Variants in CHD9 observed in about 807,000 individuals in gnomAD.
CHD9 encodes the protein ATP-dependent chromatin remodeler CHD9.
Under a neutral mutation model 316.1 loss-of-function variants are expected in CHD9, and 77 were observed. The observed-to-expected ratio is 0.24, with a 90% CI of 0.20 to 0.29. The LOEUF (loss-of-function observed/expected upper bound fraction) is 0.29. CHD9 is among the 10% of genes least tolerant of loss of function. CHD9 has a pLI of 1.00. For missense variants in CHD9, 2,763 were observed against 3,438.1 expected, an observed-to-expected ratio of 0.80 and a Z score of 4.91; for synonymous variants, 1,129 against 1,158.3, an observed-to-expected ratio of 0.97 and a Z score of 0.51.
At chr16:53,271,529 A>G (rs1386139761) in intron 22 of CHD9, among the ~76,000 whole-genome samples, 1 of 151,818 alleles carries the variant, frequency 6.6e-6, no homozygotes, top group Non-Finnish European at 1.5e-5. Context: ...AGATCACGCT[A>G]CTGCACTCCA....
intron 1 of CHD9, among the ~76,000 whole-genome samples, chr16:53,107,469 TAAAATAAAATAAAATA>T (rs1332487059): frequency 7.1e-6 from 1 of 140,860 alleles, no homozygotes; most frequent in African/African-American, 2.6e-5. Flanking sequence ...CAAAATAAAA[TAAAATAAAATAAAATA>T]AAATAAATAA....
chr16:53,275,086 C>G (rs1014948737), intron 24 of CHD9, among the ~76,000 whole-genome samples: 2 of 152,130 alleles, frequency 1.3e-5, no homozygotes, highest in African/African-American at 4.8e-5. Context: ...GTCTGGAGTG[C>G]AGTGGCATGA....
intron 22 of CHD9, among the ~76,000 whole-genome samples, chr16:53,270,202 T>G (rs1047631946): frequency 3.6e-4 from 54 of 150,516 alleles, no homozygotes; most frequent in Non-Finnish European, 5.6e-4. Context: ...GAGTCTCACT[T>G]TGTTGCCCAG....
Position 53,304,288 on chromosome 16 carries a change from T to C in CHD9, c.6282T>C (p.Ser2094=). The part of the protein sequence containing the change: ...VLPQATGDQK[S]GGKCETDRRM... ...CACAGGCTACTGGAGACCAGAAATC[T>C]GGTGGAAAATGTGAAACAGACAGAC... The change falls in exon 31 of 39, where the codon TCT becomes TCC. Residue 2094 remains serine, a synonymous_variant. Coordinates refer to ENST00000447540, the MANE Select transcript of CHD9 (RefSeq NM_001308319.2). The C allele has an allele frequency of 6.2e-7, 1 of 1,611,562 alleles. No homozygotes were observed. The highest frequency in any genetic ancestry group is 8.5e-7 in the Non-Finnish European group (1 of 1,179,686).
At chr16:53,300,962 A>G (rs561073212) in intron 30 of CHD9, among the ~76,000 whole-genome samples, 3 of 152,222 alleles carry the variant, frequency 2.0e-5, no homozygotes, top group Non-Finnish European at 4.4e-5. Flanking sequence ...AATCCCAGCT[A>G]TTCAGAAGGT....
chr16:53,107,217 C>T (rs1237715202), intron 1 of CHD9, among the ~76,000 whole-genome samples: 2 of 151,230 alleles, frequency 1.3e-5, no homozygotes, highest in East Asian at 2.0e-4. Flanking sequence ...CCCAGCACTT[C>T]GGGAGGCCAA....
Position 53,245,314 on chromosome 16 carries a change from G to C in CHD9, c.3055-22G>C, listed in dbSNP as rs774356248. 8.1e-6 allele frequency: 12 copies of C among 1,488,136 alleles called. No individual in the cohort carries two copies. Among genetic ancestry groups the C allele is most frequent in the African/African-American group, 4.3e-5 (3 of 70,440 alleles). The allele number at this position is 1,488,136 out of a possible 1,614,324, so 92.2% of individuals were successfully genotyped here. On this transcript the variant is annotated intron_variant, in intron 13 of 38. Transcript: ENST00000447540. The surrounding 1 kb of genome is among the most constrained non-coding windows in gnomAD (Gnocchi z 4.1). ...ATTTTAGTACTGTGATGTTTGATGTGAATTGTTCTCACTTTTTGTAGGAAC... is the reference window on the plus strand; with the variant it reads ...ATTTTAGTACTGTGATGTTTGATGTCAATTGTTCTCACTTTTTGTAGGAAC...
At chr16:53,056,161 G>A (rs899532029) in intron 1 of CHD9, among the ~76,000 whole-genome samples, 3 of 152,174 alleles carry the variant, frequency 2.0e-5, no homozygotes, top group Non-Finnish European at 4.4e-5. Context: ...AAAGTGCTGG[G>A]ATTATAGGCA....
At chr16:53,261,477 G>T (rs765381539) in intron 19 of CHD9, among the ~76,000 whole-genome samples, 50 of 145,080 alleles carry the variant, frequency 3.4e-4, no homozygotes, top group Admixed American at 1.4e-4. Flanking sequence ...GGGGTCAAGT[G>T]ACCCACCCAC....
Position 53,250,083 on chromosome 16 carries a change from G to A in CHD9, c.3861+17G>A, listed in dbSNP as rs748336827. 3.3e-5 allele frequency: 52 copies of A among 1,562,020 alleles called. No homozygotes were observed. The highest frequency in any genetic ancestry group is 3.5e-5 in the Non-Finnish European group (40 of 1,154,642). ...GATCTTCAGGTAAATAATTTCCTTGGCTAACAAAAAATGCATTTTTTAAAA... is the reference window on the plus strand; with the variant it reads ...GATCTTCAGGTAAATAATTTCCTTGACTAACAAAAAATGCATTTTTTAAAA... On this transcript the variant is annotated intron_variant, in intron 17 of 38. Transcript: ENST00000447540.
At chr16:53,137,064 C>A (rs1175133380) in intron 1 of CHD9, among the ~76,000 whole-genome samples, 1 of 151,880 alleles carries the variant, frequency 6.6e-6, no homozygotes, top group Non-Finnish European at 1.5e-5. Context: ...ACCTCCACTT[C>A]CCAGGTTCAA....
rs528921889 is a variant in CHD9 at position 53,318,649 on chromosome 16, C to G, written c.7713+309C>G. Among the ~76,000 whole-genome samples the G allele has an allele frequency of 3.3e-4, 51 of 152,286 alleles. 2 individuals are homozygous for G. The South Asian group carries it at 0.01, about 30-fold the overall frequency. On this transcript the variant is annotated intron_variant, in intron 37 of 38. Coordinates refer to ENST00000447540, the MANE Select transcript of CHD9 (RefSeq NM_001308319.2). The stretch of plus-strand genomic sequence containing the variant: ...GTCATTCTCATCGGGGTGATTTCAC[C>G]TCTCAAGGAATATTTGTCAGCGTCT...
At chr16:53,108,979 A>G (rs985442922) in intron 1 of CHD9, among the ~76,000 whole-genome samples, 1 of 152,184 alleles carries the variant, frequency 6.6e-6, no homozygotes, top group African/African-American at 2.4e-5. Context: ...GAGGAAAGAG[A>G]GTAAGATGAT....
Position 53,144,714 on chromosome 16 carries a change from CG to C in CHD9, c.-164-11208del, listed in dbSNP as rs563547242. 5.2e-4 allele frequency among the ~76,000 whole-genome samples: 79 copies of C among 152,032 alleles called. 2 individuals are homozygous for C. In the South Asian group the frequency reaches 0.013, roughly 26 times the overall value. ...CTAATTTTTGTATTTTTAGTAGAGA[CG>C]GGGTTTCATTATGTAGGCCAGGCTG... On this transcript the variant is annotated intron_variant, in intron 1 of 38. Transcript: ENST00000447540.
At position 53,304,607 on chromosome 16, in the gene CHD9, G is replaced by C. The variant is rs778083494; in HGVS notation, c.6601G>C (p.Glu2201Gln). The C allele has an allele frequency of 5.2e-6, 8 of 1,547,584 alleles. No homozygotes were observed. The highest frequency in any genetic ancestry group is 2.7e-5 in the African/African-American group (2 of 72,750). Residue 2201 changes from glutamate (E) to glutamine (Q), a missense_variant, in exon 31 of 39, where the codon GAA becomes CAA. Glu to Gln is a conservative substitution (Grantham distance 29, BLOSUM62 2). Transcript: ENST00000447540. ...SSSEESDSDE[E>Q]EAQKRESTTH... ...ATCAGAAGAAAGTGACAGTGATGAA[G>C]AAGAAGCCCAAAAACGAGGTACTAT...
chr16:53,239,916 T>C lies in CHD9; in HGVS notation c.2877+1330T>C, dbSNP rs565220027. Among the ~76,000 whole-genome samples, 8 of 152,274 alleles carry C rather than the reference T, an allele frequency of 5.3e-5. No homozygotes were observed. The East Asian group carries it at 1.5e-3, about 29-fold the overall frequency. ...TTCAATTGAAGAATAATTAATTATA[T>C]AGATGCTTAATTTCGTATAAATGTA... On this transcript the variant is annotated intron_variant, in intron 12 of 38. Transcript: ENST00000447540.
Position 53,307,885 on chromosome 16 carries a change from C to G in CHD9, c.6985C>G (p.Gln2329Glu). The G allele has an allele frequency of 6.2e-7, 1 of 1,613,662 alleles. No homozygotes were observed. Among genetic ancestry groups the G allele is most frequent in the Non-Finnish European group, 8.5e-7 (1 of 1,179,788 alleles). ...PGAGVKEEHD[Q>E]STQMSKVKKH... ...TGCCGGTGTTAAAGAAGAACATGAT[C>G]AGTCAACACAGATGTCAAAGGTGAA... is the stretch of plus-strand genomic sequence containing the variant. The change falls in exon 33 of 39, where the codon CAG (glutamine) becomes GAG (glutamate). Residue 2329 changes from glutamine (Q) to glutamate (E), a missense_variant. Gln to Glu is a conservative substitution (Grantham distance 29, BLOSUM62 2). Coordinates refer to ENST00000447540, the MANE Select transcript of CHD9 (RefSeq NM_001308319.2).
chr16:53,056,100 A>G (rs1596822049), intron 1 of CHD9, among the ~76,000 whole-genome samples: 2 of 152,312 alleles, frequency 1.3e-5, no homozygotes, highest in East Asian at 3.9e-4. Flanking sequence ...TATATTCCCC[A>G]GGATGGTCTC....
rs185517928 is a variant in CHD9, at chr16:53,163,654, A to G, written c.1452+6113A>G. On this transcript the variant is annotated intron_variant, in intron 2 of 38. Coordinates refer to ENST00000447540, the MANE Select transcript of CHD9 (RefSeq NM_001308319.2). ...TCTAAAAATGATTTTGAGTGGCTGA[A>G]TAATTTGTAATGGTTTAGCAACCAT... is the stretch of plus-strand genomic sequence containing the variant. Among the ~76,000 whole-genome samples, 317 of 152,324 alleles carry G rather than the reference A, an allele frequency of 2.1e-3. 3 individuals carry two copies. Among genetic ancestry groups the G allele is most frequent in the South Asian group, 0.013 (63 of 4,824 alleles).
Sources: gnomAD v4.1 joint callset for allele counts (sites outside exome capture counted in the v4.1 genomes callset) on GRCh38, gnomAD v4.1.1 for gene constraint, Gnocchi (gnomAD v3.1) non-coding constraint, MANE v1.5 for transcripts, NCBI Gene and HGNC (gene_info 2026-07-23, HGNC 2026-07-21) for gene names.